Variants in ANO2 observed in about 807,000 individuals in gnomAD.
ANO2 encodes the protein anoctamin 2.
ANO2 carries 101 observed loss-of-function variants against 124.2 expected under a neutral mutation model. The ratio of observed to expected loss-of-function variants is 0.81; its 90% CI spans 0.69 to 0.96. The LOEUF is 0.96. Among genes scored for constraint, ANO2 ranks in the 40% least tolerant of loss-of-function variants. The pLI is 0.00. For missense variants in ANO2, 1,293 were observed against 1,274.5 expected (o/e 1.01, Z -0.22); for synonymous variants, 486 against 482.5 (o/e 1.01, Z -0.09).
At chr12:5,727,397 A>G (rs1411048448) in intron 14 of ANO2, among the ~76,000 whole-genome samples, 1 of 152,074 alleles carries the variant, frequency 6.6e-6, no homozygotes, top group Non-Finnish European at 1.5e-5. Context: ...TAAACCCTAC[A>G]GAACCATGAG....
intron 14 of ANO2, among the ~76,000 whole-genome samples, chr12:5,727,628 C>A (rs1474548416): frequency 6.9e-6 from 1 of 144,980 alleles, no homozygotes; most frequent in Non-Finnish European, 1.5e-5. Flanking sequence ...TCCATTCTCA[C>A]CACTTCCTTT....
intron 16 of ANO2, among the ~76,000 whole-genome samples, chr12:5,625,523 A>T (rs912823547): frequency 6.6e-6 from 1 of 152,096 alleles, no homozygotes; most frequent in Non-Finnish European, 1.5e-5. Context: ...CCAGGTTTGG[A>T]GGAAAAATTA....
At chr12:5,698,673 G>T (rs112604339) in intron 14 of ANO2, among the ~76,000 whole-genome samples, 7 of 152,086 alleles carry the variant, frequency 4.6e-5, no homozygotes, top group Non-Finnish European at 7.4e-5. Flanking sequence ...GTTCGAACCC[G>T]TCGCAAAGAA....
chr12:5,601,249 T>C (rs1943924151), intron 19 of ANO2, among the ~76,000 whole-genome samples: 1 of 152,142 alleles, frequency 6.6e-6, no homozygotes, highest in African/African-American at 2.4e-5. Context: ...TAAGAGCATG[T>C]ACCAAGATAC....
At chr12:5,585,603 T>G (rs1426001884) in intron 20 of ANO2, among the ~76,000 whole-genome samples, 3 of 152,200 alleles carry the variant, frequency 2.0e-5, no homozygotes, top group Non-Finnish European at 4.4e-5. Flanking sequence ...CAGTAAATAT[T>G]TACTGAAATA....
intron 14 of ANO2, among the ~76,000 whole-genome samples, chr12:5,691,586 T>C (rs1358344826): frequency 1.3e-5 from 2 of 151,902 alleles, no homozygotes; most frequent in Non-Finnish European, 2.9e-5. Context: ...GGATATGCAC[T>C]GGTGTGTGGG....
intron 10 of ANO2, among the ~76,000 whole-genome samples, chr12:5,794,991 T>C (rs1186972472): frequency 6.6e-6 from 1 of 152,182 alleles, no homozygotes; most frequent in Admixed American, 6.5e-5. Context: ...CCTAAGAACA[T>C]GGCTTCCTCG....
intron 10 of ANO2, among the ~76,000 whole-genome samples, chr12:5,759,353 T>C (rs543509045): frequency 6.6e-6 from 1 of 152,222 alleles, no homozygotes; most frequent in African/African-American, 2.4e-5. Flanking sequence ...AGTCATTATA[T>C]AGGATTTATA....
At chr12:5,842,671 A>C (rs1591683299) in intron 4 of ANO2, among the ~76,000 whole-genome samples, 1 of 152,154 alleles carries the variant, frequency 6.6e-6, no homozygotes, top group South Asian at 2.1e-4. Flanking sequence ...TGCTGATAAA[A>C]CGGTTTAGAT....
intron 10 of ANO2, among the ~76,000 whole-genome samples, chr12:5,777,206 C>T (rs1168139643): frequency 6.6e-6 from 1 of 152,158 alleles, no homozygotes; most frequent in Non-Finnish European, 1.5e-5. Context: ...GTAGGTGAGG[C>T]ACCAGCTTTA....
At chr12:5,944,248 C>A (rs1943006697) in intron 1 of ANO2, among the ~76,000 whole-genome samples, 2 of 152,180 alleles carry the variant, frequency 1.3e-5, no homozygotes, top group African/African-American at 2.4e-5. Flanking sequence ...GACCACAGTC[C>A]TCTGGAAGCA....
chr12:5,640,288 G>A (rs1033139760), intron 15 of ANO2, among the ~76,000 whole-genome samples: 2 of 152,196 alleles, frequency 1.3e-5, no homozygotes, highest in African/African-American at 4.8e-5. Context: ...AATGAGATGA[G>A]AGATACGGTA....
chr12:5,939,278 G>T (rs1015806953), intron 1 of ANO2, among the ~76,000 whole-genome samples: 1 of 142,462 alleles, frequency 7.0e-6, no homozygotes, highest in Non-Finnish European at 1.5e-5. Flanking sequence ...ATAATCAAAA[G>T]CTCCAGAATT....
intron 14 of ANO2, among the ~76,000 whole-genome samples, chr12:5,698,789 T>C (rs991864011): frequency 1.3e-5 from 2 of 152,278 alleles, no homozygotes; most frequent in African/African-American, 4.8e-5. Context: ...ACGAGAACTA[T>C]GTGACACATG....
At chr12:5,567,663 C>T (rs1306458734) in intron 23 of ANO2, among the ~76,000 whole-genome samples, 1 of 152,208 alleles carries the variant, frequency 6.6e-6, no homozygotes, top group East Asian at 1.9e-4. Context: ...CCTCTTTTTT[C>T]CAGTCTGAAA....
chr12:5,857,333 A>C (rs1052203216), intron 3 of ANO2, among the ~76,000 whole-genome samples: 11 of 152,178 alleles, frequency 7.2e-5, no homozygotes, highest in Non-Finnish European at 1.2e-4. Flanking sequence ...TGCAATAAAC[A>C]TGGGGGTGCA....
At chr12:5,859,871 C>T (rs2137263376) in intron 3 of ANO2, among the ~76,000 whole-genome samples, 1 of 152,210 alleles carries the variant, frequency 6.6e-6, no homozygotes, top group East Asian at 1.9e-4. Flanking sequence ...CACTGGTTTC[C>T]CAGACCTGTC....
intron 22 of ANO2, among the ~76,000 whole-genome samples, chr12:5,577,199 T>C (rs1033987091): frequency 7.2e-5 from 11 of 152,254 alleles, no homozygotes; most frequent in Non-Finnish European, 1.6e-4. Context: ...TGATTTGCTC[T>C]GCCTCACCTC....
chr12:5,814,548 C>T (rs1478771963), intron 7 of ANO2, among the ~76,000 whole-genome samples: 1 of 150,012 alleles, frequency 6.7e-6, no homozygotes, highest in Non-Finnish European at 1.5e-5. Context: ...ATTCTTTCTC[C>T]TGACCCTTAT....
Sources: allele counts gnomAD v4.1 joint callset (sites outside exome capture counted in the v4.1 genomes callset), GRCh38; gene constraint gnomAD v4.1.1; transcripts MANE v1.5; gene names NCBI Gene and HGNC (gene_info 2026-07-23, HGNC 2026-07-21).